CATSPERG: variants seen among roughly 807,000 people sequenced by gnomAD.
CATSPERG encodes cation channel sperm-associated auxiliary subunit gamma.
In CATSPERG, 115 loss-of-function variants were observed where a neutral mutation model predicts 145.0. That is an observed-to-expected ratio of 0.79 (90% CI 0.68 to 0.93). The LOEUF is 0.93. Ranked by LOEUF, CATSPERG falls within the 40% of genes least tolerant of loss-of-function variation. CATSPERG has a pLI of 0.00. For missense variants in CATSPERG, 1,296 were observed against 1,490.1 expected (o/e 0.87, Z 2.14); for synonymous variants, 588 against 589.0 (o/e 1.00, Z 0.02).
rs376513641 is a variant in CATSPERG, at chr19:38,354,844, A to T, written c.1132A>T (p.Arg378Ter). 6.2e-7 allele frequency: 1 copy of T among 1,613,800 alleles called. No homozygotes were observed. Among genetic ancestry groups the T allele is most frequent in the African/African-American group, 1.3e-5 (1 of 74,908 alleles). The change falls in exon 9 of 29, where the codon AGA becomes TGA. Residue 378 changes from arginine (R) to a stop codon, truncating the protein, a stop_gained. Transcript: ENST00000409235. LOFTEE classifies it high-confidence loss of function. ...GGGTTATGTACACTTCGGGACCATC[A>T]GAGGTAAGGGTGTGGGCCTCTGTCA... ...HEGYVHFGTIRDGQVSFEMLP... is the reference protein window; with the variant it reads ...HEGYVHFGTI
At chr19:38,351,331 G>A (rs796837686) in intron 7 of CATSPERG, among the ~76,000 whole-genome samples, 4 of 152,184 alleles carry the variant, frequency 2.6e-5, no homozygotes, top group East Asian at 1.9e-4. Flanking sequence ...CTGGGAGGCC[G>A]GGTGCGGTGG....
chr19:38,355,742 G>T (rs1357265780), intron 9 of CATSPERG, among the ~76,000 whole-genome samples: 1 of 152,178 alleles, frequency 6.6e-6, no homozygotes, highest in Non-Finnish European at 1.5e-5. Flanking sequence ...CAAAGAATTT[G>T]TGGACTTACA....
chr19:38,343,618 G>T lies in CATSPERG; in HGVS notation c.363G>T (p.Gly121=). Residue 121 remains glycine (G), a synonymous_variant, in exon 4 of 29, where the codon GGG becomes GGT. Transcript: ENST00000409235. The stretch of plus-strand genomic sequence containing the variant: ...TGGTGCGCATGGGCCACCTGACGGG[G>T]CTAAAGCCCCTGGTGCTGGTCACCT... ...EDLVRMGHLT[G]LKPLVLVTFQ... The T allele has an allele frequency of 6.4e-7, 1 of 1,551,382 alleles. No homozygotes were observed. The highest frequency in any genetic ancestry group is 8.7e-7 in the Non-Finnish European group (1 of 1,146,884).
chr19:38,361,923 T>C (rs1319696887), intron 17 of CATSPERG, 62 bp downstream of exon 17: 1 of 1,379,098 alleles, frequency 7.3e-7, no homozygotes, highest in East Asian at 2.7e-5. Context: ...GGAGCTGGCT[T>C]AGAGGGCGAG....
In CATSPERG at chr19:38,354,765, T is replaced by C. The variant is rs200723057; in HGVS notation, c.1053T>C (p.Tyr351=). ...GCATCAAGAAGCTGTGCCCTGTGTA[T>C]TTCCATAGCAATGGCTCTGAGTACA... ...SECIKKLCPV[Y]FHSNGSEYIM... Residue 351 remains tyrosine, a synonymous_variant, in exon 9 of 29, where the codon TAT becomes TAC. Coordinates refer to ENST00000409235, the MANE Select transcript of CATSPERG (RefSeq NM_021185.5). The C allele has an allele frequency of 4.5e-5, 73 of 1,614,194 alleles. No individual in the cohort carries two copies. The African/African-American group carries it at 8.3e-4, about 18-fold the overall frequency.
In CATSPERG at chr19:38,359,554, T is replaced by C; in HGVS notation, c.1581T>C (p.Ala527=). 6.2e-7 allele frequency: 1 copy of C among 1,613,450 alleles called. No individual in the cohort carries two copies. The highest frequency in any genetic ancestry group is 8.5e-7 in the Non-Finnish European group (1 of 1,179,590). Residue 527 remains alanine (A), a synonymous_variant, in exon 14 of 29, where the codon GCT becomes GCC. Coordinates refer to ENST00000409235, the MANE Select transcript of CATSPERG (RefSeq NM_021185.5). ...ACATGGCCAGATCGTTCCGTGGGGC[T>C]GTGGCTATTGTCACAGAGACGGAGG... ...IKYMARSFRG[A]VAIVTETEEI...
intron 26 of CATSPERG, chr19:38,369,711 T>C (rs1440331247): frequency 3.8e-6 from 2 of 532,118 alleles, no homozygotes; most frequent in African/African-American, 1.9e-5. Context: ...ATACACAGCC[T>C]GTAATCTGGA....
chr19:38,344,475 T>TGTGGG, intron 6 of CATSPERG, 107 bp downstream of exon 6: 2 of 923,908 alleles, frequency 2.2e-6, no homozygotes, highest in Non-Finnish European at 3.4e-6. Flanking sequence ...ACCAACTTCA[T>TGTGGG]GCCAGGCCCC....
chr19:38,337,868 G>A (rs1600438513), intron 3 of CATSPERG: 1 of 420,648 alleles, frequency 2.4e-6, no homozygotes, highest in Non-Finnish European at 4.3e-6. Context: ...ACAGGCATGT[G>A]ACACCACGCC....
At chr19:38,364,421 G>C (rs1970411846) in intron 20 of CATSPERG, among the ~76,000 whole-genome samples, 1 of 151,824 alleles carries the variant, frequency 6.6e-6, no homozygotes, top group East Asian at 1.9e-4. Flanking sequence ...GGGCAGAGAC[G>C]CTCCTCACTT....
At chr19:38,355,246 G>A (rs1211590732) in intron 9 of CATSPERG, among the ~76,000 whole-genome samples, 1 of 152,132 alleles carries the variant, frequency 6.6e-6, no homozygotes, top group African/African-American at 2.4e-5. Flanking sequence ...TCAGGAGGCT[G>A]AGGCAGGAGA....
chr19:38,370,919 A>T lies in CATSPERG; in HGVS notation c.*127A>T. The T allele has an allele frequency of 8.5e-6, 9 of 1,060,912 alleles. No individual in the cohort carries two copies. The highest frequency in any genetic ancestry group is 1.2e-5 in the Non-Finnish European group (9 of 734,546). The allele number at this position is 1,060,912 out of a possible 1,614,324, so 65.7% of individuals were successfully genotyped here. A position where few individuals can be genotyped will look rare whatever the true frequency, so the allele number is the denominator to read the frequency against. On this transcript the variant is annotated 3_prime_UTR_variant, in exon 29 of 29. Transcript: ENST00000409235. ...TGCTTGATGTTTACTTCTCGTTCAG[A>T]CTCAAATAAAGCCTTTTTTCAGGAC... is the stretch of plus-strand genomic sequence containing the variant.
rs753302112 is a variant in CATSPERG, at chr19:38,370,628, A to G, written c.3316A>G (p.Asn1106Asp). The G allele has an allele frequency of 1.2e-6, 2 of 1,614,102 alleles. No homozygotes were observed. Among genetic ancestry groups the G allele is most frequent in the South Asian group, 2.2e-5 (2 of 91,074 alleles). The change falls in exon 29 of 29, where the codon AAC becomes GAC. Residue 1106 changes from asparagine (N) to aspartate (D), a missense_variant. Physicochemically the swap from Asn to Asp is conservative, Grantham distance 23 (BLOSUM62 1). Coordinates refer to ENST00000409235, the MANE Select transcript of CATSPERG (RefSeq NM_021185.5). ...CTGCACGATGATCCGGTGGAAGATA[A>G]ACAACCTCATTGCCTCAGAATCCTA... ...KGCTMIRWKI[N>D]NLIASESYYT...
Position 38,337,509 on chromosome 19 carries a change from G to A in CATSPERG, c.270+5G>A, listed in dbSNP as rs1240653144. 6 of 1,552,044 alleles carry A rather than the reference G, an allele frequency of 3.9e-6. No homozygotes were observed. The highest frequency in any genetic ancestry group is 1.4e-5 in the African/African-American group (1 of 73,164). On this transcript the variant is annotated splice_donor_5th_base_variant and intron_variant, in intron 2 of 28. Transcript: ENST00000409235. ...TCACCCATCGACCCGAGCGAGGTGA[G>A]GGGACCAGGGTCAAGTGAACCAGAG...
chr19:38,340,204 AT>A (rs1969913752), intron 3 of CATSPERG, among the ~76,000 whole-genome samples: 1 of 151,892 alleles, frequency 6.6e-6, no homozygotes, highest in African/African-American at 2.4e-5. Flanking sequence ...TTTGTCAAAA[AT>A]CAATTGAATA....
intron 7 of CATSPERG, 67 bp downstream of exon 7, chr19:38,346,672 A>G: frequency 7.0e-7 from 1 of 1,437,458 alleles, no homozygotes; most frequent in Non-Finnish European, 9.4e-7. Context: ...CCCCTGAAAT[A>G]AGGTAGGGGC....
chr19:38,345,574 G>A (rs1255118735), intron 6 of CATSPERG, among the ~76,000 whole-genome samples: 1 of 150,852 alleles, frequency 6.6e-6, no homozygotes, highest in Non-Finnish European at 1.5e-5. Flanking sequence ...GTGCGATCTC[G>A]GCTCACCGCA....
chr19:38,356,806 G>A lies in CATSPERG; in HGVS notation c.1260G>A (p.Val420=). 1 of 1,614,166 alleles carries A rather than the reference G, an allele frequency of 6.2e-7. No individual in the cohort carries two copies. Among genetic ancestry groups the A allele is most frequent in the Middle Eastern group, 1.7e-4 (1 of 6,060 alleles). Residue 420 remains valine (V), a synonymous_variant, in exon 11 of 29, where the codon GTG becomes GTA. Coordinates refer to ENST00000409235, the MANE Select transcript of CATSPERG (RefSeq NM_021185.5). ...GTGAGTATACTCTACTGCTGCTGGT[G>A]GAGAGTGGATATGGTAATGCAAGTA... ...IAGEYTLLLL[V]ESGYGNASKR... is the part of the protein sequence containing the mutation.
intron 20 of CATSPERG, 36 bp from the exon 21 acceptor site, chr19:38,364,855 C>T: frequency 6.6e-7 from 1 of 1,519,474 alleles, no homozygotes; most frequent in South Asian, 1.1e-5. Context: ...ACCTGTTCAC[C>T]CCTTCATTTC....
Sources: allele counts gnomAD v4.1 joint callset (sites outside exome capture counted in the v4.1 genomes callset), GRCh38; gene constraint gnomAD v4.1.1; transcripts MANE v1.5; gene names NCBI Gene and HGNC (gene_info 2026-07-23, HGNC 2026-07-21).